Variants in NAV1 observed in about 807,000 individuals in gnomAD.
The protein encoded by NAV1 is neuron navigator 1.
NAV1 carries 18 observed loss-of-function variants against 175.2 expected under a neutral mutation model. The ratio of observed to expected loss-of-function variants is 0.10; its 90% CI spans 0.07 to 0.15. NAV1 has a LOEUF of 0.15. Among genes scored for constraint, NAV1 ranks in the 10% least tolerant of loss-of-function variants. The pLI, the probability that NAV1 is intolerant of heterozygous loss-of-function variation, is 1.00. For missense variants in NAV1, 1,731 were observed against 2,436.6 expected (o/e 0.71, Z 6.10); for synonymous variants, 897 against 978.7 (o/e 0.92, Z 1.56).
At chr1:201,714,763 A>G (rs553784344) in intron 2 of NAV1, among the ~76,000 whole-genome samples, 1 of 152,136 alleles carries the variant, frequency 6.6e-6, no homozygotes, top group Admixed American at 6.5e-5. Context: ...AGACACCAGA[A>G]AGTGCTTAGT....
rs1463923215 is a variant in NAV1 at position 201,787,900 on chromosome 1, C to CATGTTTCTTG, written c.2996-564_2996-555dup. 3.5e-5 allele frequency: 12 copies of CATGTTTCTTG among 344,194 alleles called. No homozygotes were observed. Among genetic ancestry groups the CATGTTTCTTG allele is most frequent in the African/African-American group, 2.1e-4 (10 of 46,630 alleles). The allele number at this position is 344,194 out of a possible 1,614,324, so 21.3% of individuals were successfully genotyped here. A position where few individuals can be genotyped will look rare whatever the true frequency, so the allele number is the denominator to read the frequency against. The stretch of plus-strand genomic sequence containing the variant: ...CGGGGCAATGCTAGGCAAAGAGGGC[C>CATGTTTCTTG]ATGTTTCTTGATGCTTTAGCGCCAA... On this transcript the variant is annotated intron_variant, in intron 9 of 29. Transcript: ENST00000367296. The surrounding 1 kb of genome is among the most constrained non-coding windows in gnomAD (Gnocchi z 4.3).
chr1:201,676,532 G>T (rs531606), intron 1 of NAV1, among the ~76,000 whole-genome samples: 130,856 of 151,968 alleles, frequency 0.86, 56,603 homozygotes, highest in Non-Finnish European at 0.9. Flanking sequence ...AGGCCACACA[G>T]CGAGGGAAGC....
chr1:201,704,147 G>A (rs535702707), intron 1 of NAV1, among the ~76,000 whole-genome samples: 2 of 152,306 alleles, frequency 1.3e-5, no homozygotes, highest in Non-Finnish European at 2.9e-5. Flanking sequence ...TGGGCTCCCC[G>A]TCATAGATAC....
chr1:201,716,534 G>A (rs545966319), intron 2 of NAV1, among the ~76,000 whole-genome samples: 1 of 152,272 alleles, frequency 6.6e-6, no homozygotes, highest in South Asian at 2.1e-4. Context: ...ATTAGAAGCC[G>A]AAACAAGACA....
chr1:201,805,878 A>G (rs975232082), intron 17 of NAV1, among the ~76,000 whole-genome samples: 1 of 152,094 alleles, frequency 6.6e-6, no homozygotes, highest in Admixed American at 6.5e-5. Flanking sequence ...CCAAGATTGC[A>G]TCACTGCACT....
rs199509884 is a variant in NAV1, at chr1:201,635,184, G to A, written c.4+5677G>A. Among the ~76,000 whole-genome samples, 6 of 151,164 alleles carry A rather than the reference G, an allele frequency of 4.0e-5. No homozygotes were observed. The East Asian group carries it at 7.7e-4, about 19-fold the overall frequency. ...CTCCCAAGTAGCTGGGACTACAGACGTCCACCACCACACCTGGCTATCTTT... is the reference window on the plus strand; with the variant it reads ...CTCCCAAGTAGCTGGGACTACAGACATCCACCACCACACCTGGCTATCTTT... On this transcript the variant is annotated intron_variant, in intron 2 of 29. Transcript: ENST00000367302.
chr1:201,808,474 A>G lies in NAV1; in HGVS notation c.3902A>G (p.Glu1301Gly). The G allele has an allele frequency of 6.2e-7, 1 of 1,614,228 alleles. No individual in the cohort carries two copies. The highest frequency in any genetic ancestry group is 2.2e-5 in the East Asian group (1 of 44,886). ...CTGTTCCATGCAAATGAGGAGGAGG[A>G]GCCAGAGAAGAAGGAGGTATCGGAG... The change falls in exon 19 of 30, where the codon GAG becomes GGG. Residue 1301 changes from glutamate (E) to glycine (G), a missense_variant. Transcript: ENST00000367296. This position sits in a 1 kb window ranked among gnomAD's most constrained non-coding sequence, Gnocchi z 5.5.
At chr1:201,568,211 C>CT (rs1363476011) in intron 1 of NAV1, among the ~76,000 whole-genome samples, 2 of 152,204 alleles carry the variant, frequency 1.3e-5, no homozygotes, top group African/African-American at 4.8e-5. Flanking sequence ...GATGGACTGG[C>CT]ATCAGAGCAA....
At chr1:201,798,903 A>G (rs992733337) in intron 15 of NAV1, among the ~76,000 whole-genome samples, 1 of 151,676 alleles carries the variant, frequency 6.6e-6, no homozygotes, top group African/African-American at 2.4e-5. Context: ...GGGTCTCACC[A>G]TGTTGGCCAG....
intron 1 of NAV1, among the ~76,000 whole-genome samples, chr1:201,625,949 C>T (rs935427298): frequency 3.3e-5 from 5 of 152,226 alleles, no homozygotes; most frequent in African/African-American, 1.2e-4. Context: ...GGAAATGTGT[C>T]ACACCACCCT....
intron 1 of NAV1, among the ~76,000 whole-genome samples, chr1:201,682,822 A>G (rs1221065992): frequency 6.6e-6 from 1 of 152,186 alleles, no homozygotes; most frequent in African/African-American, 2.4e-5. Flanking sequence ...CATCGATGTA[A>G]TTTTTAATTT....
chr1:201,794,961 A>G (rs566130523), intron 15 of NAV1: 44 of 177,964 alleles, frequency 2.5e-4, no homozygotes, highest in African/African-American at 5.5e-4. Flanking sequence ...TACTCTTCCA[A>G]TGAAACAACC....
Position 201,728,910 on chromosome 1 carries a change from C to G in NAV1, c.1226+10155C>G, listed in dbSNP as rs189007332. Among the ~76,000 whole-genome samples, 21 of 152,358 alleles carry G rather than the reference C, an allele frequency of 1.4e-4. No homozygotes were observed. The East Asian group carries it at 3.7e-3, about 27-fold the overall frequency. Reference sequence around the variant, plus strand: ...GGGGCTGCTGGAGGTATTCTAGTTGCTATGCCAACTAATGCTAGCTAAGGA... The same window carrying G: ...GGGGCTGCTGGAGGTATTCTAGTTGGTATGCCAACTAATGCTAGCTAAGGA... On this transcript the variant is annotated intron_variant, in intron 3 of 29. Coordinates refer to ENST00000367296, the Ensembl canonical transcript of NAV1.
At position 201,813,322 on chromosome 1, in the gene NAV1, G is replaced by A. The variant is rs1571518964; in HGVS notation, c.5340+64G>A. 2.7e-6 allele frequency: 3 copies of A among 1,094,458 alleles called. No individual in the cohort carries two copies. The highest frequency in any genetic ancestry group is 2.4e-5 in the East Asian group (1 of 41,778). The allele number at this position is 1,094,458 out of a possible 1,614,324, so 67.8% of individuals were successfully genotyped here. A position where few individuals can be genotyped will look rare whatever the true frequency, so the allele number is the denominator to read the frequency against. On this transcript the variant is annotated intron_variant, in intron 28 of 29. Coordinates refer to ENST00000367296, the Ensembl canonical transcript of NAV1. This position sits in a 1 kb window ranked among gnomAD's most constrained non-coding sequence, Gnocchi z 4.2. ...CTGTCCTACCTAACAAAGTAGGAAT[G>A]TTTCTTTAATGTTAGGCATGGGACT...
chr1:201,701,009 C>CA (rs386369321), intron 1 of NAV1, among the ~76,000 whole-genome samples: 640 of 52,706 alleles, frequency 0.012, 84 homozygotes, highest in African/African-American at 0.031. Context: ...GACTCTGTCT[C>CA]AAAAAAAAAA....
chr1:201,569,017 C>T (rs1181941697), intron 1 of NAV1, among the ~76,000 whole-genome samples: 1 of 152,154 alleles, frequency 6.6e-6, no homozygotes, highest in East Asian at 1.9e-4. Context: ...CCCACTCCTC[C>T]CGGCTGCTTC....
In NAV1 at chr1:201,818,382, G is replaced by C. The variant is rs780749074; in HGVS notation, c.5538+1097G>C. ...TCTCTACTAAAAATACAAAAAATTA[G>C]CCAGGCGTGGTGGCAGGCACCTGTA... On this transcript the variant is annotated intron_variant, in intron 29 of 29. Coordinates refer to ENST00000367296, the Ensembl canonical transcript of NAV1. Among the ~76,000 whole-genome samples, 47 of 152,160 alleles carry C rather than the reference G, an allele frequency of 3.1e-4. 1 individual carries two copies. The highest frequency in any genetic ancestry group is 3.4e-3 in the Middle Eastern group (1 of 294).
At chr1:201,809,061 T>C (rs893360513) in intron 20 of NAV1, 103 bp from the exon 25 acceptor site, 2 of 1,347,052 alleles carry the variant, frequency 1.5e-6, no homozygotes, top group African/African-American at 2.9e-5. Flanking sequence ...CTCCATTCCT[T>C]CTCTGTGGCA....
intron 3 of NAV1, among the ~76,000 whole-genome samples, chr1:201,736,527 C>T (rs1194705540): frequency 6.6e-6 from 1 of 152,056 alleles, no homozygotes; most frequent in East Asian, 1.9e-4. Context: ...GAACCTTGGG[C>T]CTCAGCCAAG....
Sources: allele counts gnomAD v4.1 joint callset (sites outside exome capture counted in the v4.1 genomes callset), GRCh38; gene constraint gnomAD v4.1.1; non-coding constraint Gnocchi (gnomAD v3.1); transcripts MANE v1.5; gene names NCBI Gene and HGNC (gene_info 2026-07-23, HGNC 2026-07-21).